The following ZEB1 variants were observed in gnomAD, a reference collection of about 807,000 sequenced individuals.
ZEB1 encodes the protein zinc finger E-box-binding homeobox 1.
ZEB1 carries 21 observed loss-of-function variants against 84.9 expected under a neutral mutation model. The observed-to-expected ratio is 0.25, with a 90% CI of 0.18 to 0.36. The LOEUF is 0.36. Among genes scored for constraint, ZEB1 ranks in the 10% least tolerant of loss-of-function variants. ZEB1 has a pLI of 1.00. For synonymous variants in ZEB1, 420 were observed against 471.1 expected, an observed-to-expected ratio of 0.89 and a Z score of 1.41; for missense variants, 1,104 against 1,330.2, an observed-to-expected ratio of 0.83 and a Z score of 2.65.
chr10:31,433,680 G>A (rs1319486294), intron 1 of ZEB1, among the ~76,000 whole-genome samples: 1 of 152,110 alleles, frequency 6.6e-6, no homozygotes, highest in Non-Finnish European at 1.5e-5. Flanking sequence ...ACACTACAGG[G>A]TCAAAACTTA....
intron 1 of ZEB1, among the ~76,000 whole-genome samples, chr10:31,429,733 CTTTTTTTTTTTTTTTTT>C (rs35031058): frequency 2.5e-5 from 2 of 79,542 alleles, no homozygotes; most frequent in Non-Finnish European, 4.6e-5. Context: ...ACAGGCAGAA[CTTTTTTTTTTTTTTTTT>C]TTTTTTTTTT....
At chr10:31,496,132 T>TG (rs1337041558) in intron 3 of ZEB1, among the ~76,000 whole-genome samples, 186 of 152,184 alleles carry the variant, frequency 1.2e-3, no homozygotes, top group African/African-American at 4.3e-3. Context: ...GATTTGAACT[T>TG]CTATCAAGTT....
Position 31,521,204 on chromosome 10 carries a change from T to C in ZEB1, c.1872T>C (p.Asp624=). 6.2e-7 allele frequency: 1 copy of C among 1,614,080 alleles called. No individual in the cohort carries two copies. Among genetic ancestry groups the C allele is most frequent in the Non-Finnish European group, 8.5e-7 (1 of 1,180,014 alleles). ...CTGATTCAGTAAACCTACCACTGGATGTAGTAAAAAAGTGGTTTGAAAAGA... is the reference window on the plus strand; with the variant it reads ...CTGATTCAGTAAACCTACCACTGGACGTAGTAAAAAAGTGGTTTGAAAAGA... ...KIADSVNLPL[D]VVKKWFEKMQ... Residue 624 remains aspartate, a synonymous_variant, in exon 7 of 9, where the codon GAT becomes GAC. Transcript: ENST00000424869.
chr10:31,449,027 C>CAGTTTG (rs935835808), intron 1 of ZEB1, among the ~76,000 whole-genome samples: 2 of 152,242 alleles, frequency 1.3e-5, no homozygotes, highest in African/African-American at 4.8e-5. Context: ...TGCCGCCTTG[C>CAGTTTG]AGTTTGATCT....
At chr10:31,466,828 T>C (rs538047478) in intron 2 of ZEB1, among the ~76,000 whole-genome samples, 71 of 152,240 alleles carry the variant, frequency 4.7e-4, no homozygotes, top group African/African-American at 1.4e-3. Flanking sequence ...AGTTAGTTTT[T>C]TGAGAAGATA....
Position 31,414,402 on chromosome 10 carries a change from AATTG to A in ZEB1, c.59-46630_59-46627del, listed in dbSNP as rs571922524. 2.6e-4 allele frequency among the ~76,000 whole-genome samples: 39 copies of A among 152,316 alleles called. No homozygotes were observed. In the South Asian group the frequency reaches 7.9e-3, roughly 31 times the overall value. On this transcript the variant is annotated intron_variant, in intron 1 of 8. Coordinates refer to ENST00000424869, the MANE Select transcript of ZEB1 (RefSeq NM_001174096.2). ...CAGTTTTATAAATTTGTCCTCATGA[AATTG>A]ATTGTCAGGTGTTTTCTCTTTAGTT... is the stretch of plus-strand genomic sequence containing the variant.
chr10:31,421,659 A>G (rs1261287305), intron 1 of ZEB1, among the ~76,000 whole-genome samples: 1 of 151,994 alleles, frequency 6.6e-6, no homozygotes, highest in African/African-American at 2.4e-5. Context: ...AAGCCTTTCC[A>G]TTTCTAGAAA....
At chr10:31,475,207 T>C (rs982458785) in intron 2 of ZEB1, among the ~76,000 whole-genome samples, 2 of 146,160 alleles carry the variant, frequency 1.4e-5, no homozygotes, top group Non-Finnish European at 3.0e-5. Flanking sequence ...ACTTAAAGTA[T>C]AATAATAAAA....
At position 31,510,651 on chromosome 10, in the gene ZEB1, A is replaced by G. The variant is rs577666617; in HGVS notation, c.485-22A>G. ...ATTTTCTGAATGTTTTAAATTTAAA[A>G]TATATGATCTTTCTTTTACAGGAAC... On this transcript the variant is annotated intron_variant, in intron 4 of 8. Transcript: ENST00000424869. 2.5e-6 allele frequency: 4 copies of G among 1,598,968 alleles called. No homozygotes were observed. The Admixed American group carries it at 5.0e-5, about 20-fold the overall frequency.
intron 1 of ZEB1, among the ~76,000 whole-genome samples, chr10:31,332,208 T>TA (rs933909620): frequency 1.3e-5 from 2 of 152,172 alleles, no homozygotes; most frequent in East Asian, 1.9e-4. Flanking sequence ...GTAGAAGACT[T>TA]ACGCTACTAG....
chr10:31,355,455 C>A (rs573852313), intron 1 of ZEB1, among the ~76,000 whole-genome samples: 1 of 152,196 alleles, frequency 6.6e-6, no homozygotes, highest in South Asian at 2.1e-4. Flanking sequence ...CCTCACGAAA[C>A]CAGCAGCTTT....
chr10:31,474,072 A>T (rs1183304630), intron 2 of ZEB1, among the ~76,000 whole-genome samples: 1 of 152,242 alleles, frequency 6.6e-6, no homozygotes, highest in Non-Finnish European at 1.5e-5. Flanking sequence ...AGATGGATTA[A>T]AGATTTAAAT....
At chr10:31,414,333 T>C (rs1398966075) in intron 1 of ZEB1, among the ~76,000 whole-genome samples, 1 of 152,188 alleles carries the variant, frequency 6.6e-6, no homozygotes, top group African/African-American at 2.4e-5. Context: ...AAATGCATTG[T>C]GGTGTTTGCC....
intron 8 of ZEB1, among the ~76,000 whole-genome samples, chr10:31,525,893 CA>C (rs1405706223): frequency 6.6e-6 from 1 of 152,144 alleles, no homozygotes; most frequent in Admixed American, 6.5e-5. Flanking sequence ...TAGCAAATAT[CA>C]AAGTGAAAAA....
At chr10:31,509,271 C>T (rs75676745) in intron 4 of ZEB1, among the ~76,000 whole-genome samples, 2,300 of 152,272 alleles carry the variant, frequency 0.015, 43 homozygotes, top group African/African-American at 0.052. Context: ...GTGTTAGTCT[C>T]AGAGCCCACG....
At chr10:31,453,738 C>A (rs1032311784) in intron 1 of ZEB1, among the ~76,000 whole-genome samples, 1 of 152,100 alleles carries the variant, frequency 6.6e-6, no homozygotes, top group Non-Finnish European at 1.5e-5. Context: ...AGACCAATAA[C>A]AAGTTCTGAA....
chr10:31,449,872 C>T (rs1421725865), intron 1 of ZEB1, among the ~76,000 whole-genome samples: 1 of 152,038 alleles, frequency 6.6e-6, no homozygotes, highest in Non-Finnish European at 1.5e-5. Flanking sequence ...GCATATATAC[C>T]TATTTTCATC....
At chr10:31,372,962 T>C (rs2045972520) in intron 1 of ZEB1, 4 of 976,972 alleles carry the variant, frequency 4.1e-6, no homozygotes, top group Admixed American at 6.2e-5. Context: ...TTTAGAGTTA[T>C]TGCTCTTATC....
rs1171812306 is a variant in ZEB1 at position 31,446,884 on chromosome 10, A to G, written c.59-14153A>G. Among the ~76,000 whole-genome samples the G allele has an allele frequency of 2.6e-5, 4 of 152,052 alleles. No homozygotes were observed. In the East Asian group the frequency reaches 5.8e-4, roughly 22 times the overall value. On this transcript the variant is annotated intron_variant, in intron 1 of 8. Coordinates refer to ENST00000424869, the MANE Select transcript of ZEB1 (RefSeq NM_001174096.2). ...TGGTGTGGTGCTGAAAAAAATGTAT[A>G]TTCTTTTGATTTGGGGTGGAGAGTT...
Sources: allele counts gnomAD v4.1 joint callset (sites outside exome capture counted in the v4.1 genomes callset), GRCh38; gene constraint gnomAD v4.1.1; transcripts MANE v1.5; gene names NCBI Gene and HGNC (gene_info 2026-07-23, HGNC 2026-07-21).